FBXO11: variants seen among roughly 807,000 people sequenced by gnomAD.
FBXO11 encodes the protein F-box protein 11, also known as F-box only protein 11.
FBXO11 carries 13 observed loss-of-function variants against 117.0 expected under a neutral mutation model. The observed-to-expected ratio is 0.11, with a 90% CI of 0.07 to 0.18. FBXO11 has a LOEUF of 0.18. Ranked by LOEUF, FBXO11 falls within the 10% of genes least tolerant of loss-of-function variation. FBXO11 has a pLI of 1.00. For missense variants in FBXO11, 767 were observed against 1,164.4 expected (o/e 0.66, Z 4.97); for synonymous variants, 490 against 380.5 (o/e 1.29, Z -3.35).
chr2:47,818,741 C>T (rs2104701743), intron 16 of FBXO11, 38 bp downstream of exon 16: 1 of 1,467,778 alleles, frequency 6.8e-7, no homozygotes, highest in East Asian at 2.3e-5. Flanking sequence ...ATACTCCTAA[C>T]TCCCTCCCAA....
At chr2:47,874,161 C>T (rs1675827293) in intron 1 of FBXO11, among the ~76,000 whole-genome samples, 2 of 152,256 alleles carry the variant, frequency 1.3e-5, no homozygotes, top group East Asian at 3.9e-4. Context: ...TTGCTGTGAG[C>T]AGAGATTGCA....
intron 7 of FBXO11, 39 bp from the exon 8 acceptor site, chr2:47,833,109 G>T: frequency 2.3e-6 from 3 of 1,313,772 alleles, no homozygotes; most frequent in South Asian, 1.2e-5. Context: ...ACCTTTATTC[G>T]ATTTCAACAG....
chr2:47,844,340 C>A (rs1673241563), intron 1 of FBXO11, among the ~76,000 whole-genome samples: 1 of 152,098 alleles, frequency 6.6e-6, no homozygotes, highest in Non-Finnish European at 1.5e-5. Flanking sequence ...GGCACTTTTT[C>A]TAATCTCTAT....
intron 11 of FBXO11, among the ~76,000 whole-genome samples, chr2:47,829,990 A>G (rs953623169): frequency 1.3e-5 from 2 of 152,228 alleles, no homozygotes; most frequent in Non-Finnish European, 1.5e-5. Flanking sequence ...GCAAAATAGC[A>G]GCAGAAAAAC....
intron 4 of FBXO11, among the ~76,000 whole-genome samples, chr2:47,838,143 G>A (rs1174740762): frequency 6.6e-6 from 1 of 151,516 alleles, no homozygotes; most frequent in South Asian, 2.1e-4. Context: ...TGAGGTGGGA[G>A]AATGGCTTGA....
Position 47,905,688 on chromosome 2 carries a change from G to T in FBXO11, c.33C>A (p.Pro11=). 1 of 1,520,208 alleles carries T rather than the reference G, an allele frequency of 6.6e-7. No individual in the cohort carries two copies. The allele number at this position is 1,520,208 out of a possible 1,614,324, so 94.2% of individuals were successfully genotyped here. The change falls in exon 1 of 23, where the codon CCC becomes CCA. Residue 11 remains proline (P), a synonymous_variant. Coordinates refer to ENST00000403359, the MANE Select transcript of FBXO11 (RefSeq NM_001190274.2). MNSVRAANRR[P]RRVSRPRPVQ... is the part of the protein sequence containing the mutation. ...CCGGGCGCGGCCGCGACACTCGCCT[G>T]GGTCTCCGGTTGGCGGCTCGGACGG...
chr2:47,875,963 T>C (rs759412868), intron 1 of FBXO11, among the ~76,000 whole-genome samples: 1 of 152,196 alleles, frequency 6.6e-6, no homozygotes, highest in East Asian at 1.9e-4. Context: ...TACTAATCAG[T>C]GGCTTTATAT....
At chr2:47,901,091 ATATACATATATATGTATATATG>A (rs1678237192) in intron 1 of FBXO11, among the ~76,000 whole-genome samples, 5 of 120,708 alleles carry the variant, frequency 4.1e-5, no homozygotes, top group Non-Finnish European at 8.7e-5. Flanking sequence ...GTGTACATAT[ATATACATATATATGTATATATG>A]TACACACGTG....
At chr2:47,902,586 C>G (rs908854551) in intron 1 of FBXO11, among the ~76,000 whole-genome samples, 5 of 152,074 alleles carry the variant, frequency 3.3e-5, no homozygotes, top group African/African-American at 4.8e-5. Context: ...CACACATACA[C>G]ATACACACGT....
At chr2:47,820,661 C>A (rs1439381154) in intron 13 of FBXO11, among the ~76,000 whole-genome samples, 2 of 152,176 alleles carry the variant, frequency 1.3e-5, no homozygotes, top group Non-Finnish European at 2.9e-5. Flanking sequence ...AGCCGAGCTG[C>A]CACATTTTGA....
rs532975629 is a variant in FBXO11, at chr2:47,839,162, T to C, written c.443-159A>G. On this transcript the variant is annotated intron_variant, in intron 3 of 22. Coordinates refer to ENST00000403359, the MANE Select transcript of FBXO11 (RefSeq NM_001190274.2). ...CATGGGTAACACATATTTATCTCTA[T>C]CCTGAACTAACAAAAGTACTCCTTC... is the stretch of plus-strand genomic sequence containing the variant. Among the ~76,000 whole-genome samples, 9 of 152,204 alleles carry C rather than the reference T, an allele frequency of 5.9e-5. No individual in the cohort carries two copies. The East Asian group carries it at 1.7e-3, about 29-fold the overall frequency.
At chr2:47,838,187 C>T (rs1047733470) in intron 4 of FBXO11, among the ~76,000 whole-genome samples, 2 of 151,696 alleles carry the variant, frequency 1.3e-5, no homozygotes, top group Non-Finnish European at 2.9e-5. Context: ...GAGCTAGGAG[C>T]GTGACACTGC....
At chr2:47,848,004 G>A (rs1333536880) in intron 1 of FBXO11, among the ~76,000 whole-genome samples, 1 of 151,736 alleles carries the variant, frequency 6.6e-6, no homozygotes. Context: ...GGTGCTTGTA[G>A]TCCCAGCTAC....
At position 47,901,485 on chromosome 2, in the gene FBXO11, AAC is replaced by A. The variant is rs537278299; in HGVS notation, c.232+4002_232+4003del. 9.2e-5 allele frequency among the ~76,000 whole-genome samples: 14 copies of A among 152,316 alleles called. No individual in the cohort carries two copies. The South Asian group carries it at 2.5e-3, about 27-fold the overall frequency. On this transcript the variant is annotated intron_variant, in intron 1 of 22. Coordinates refer to ENST00000403359, the MANE Select transcript of FBXO11 (RefSeq NM_001190274.2). ...AAAAGGTAATAAATGAGAAACTAAT[AAC>A]AGTTATTAGATTCCAGGTAGAAGAA...
intron 1 of FBXO11, among the ~76,000 whole-genome samples, chr2:47,904,157 A>T (rs1678548060): frequency 6.6e-6 from 1 of 152,256 alleles, no homozygotes; most frequent in Admixed American, 6.5e-5. Flanking sequence ...AATAATGTAT[A>T]ATTTTAAAAA....
At chr2:47,877,662 A>T (rs766589408) in intron 1 of FBXO11, among the ~76,000 whole-genome samples, 1 of 151,746 alleles carries the variant, frequency 6.6e-6, no homozygotes, top group Non-Finnish European at 1.5e-5. Flanking sequence ...CAAACCTCCC[A>T]CCCCAGAATA....
rs144940741 is a variant in FBXO11, at chr2:47,850,820, A to G, written c.233-11051T>C. On this transcript the variant is annotated intron_variant, in intron 1 of 22. Coordinates refer to ENST00000403359, the MANE Select transcript of FBXO11 (RefSeq NM_001190274.2). The stretch of plus-strand genomic sequence containing the variant: ...CTGTTCTCCCAAGACATTTTCTCTC[A>G]TTGCTTTTGGGAAAAGGAGTGTAAA... Among the ~76,000 whole-genome samples, 686 of 152,258 alleles carry G rather than the reference A, an allele frequency of 4.5e-3. 1 individual carries two copies. Among genetic ancestry groups the G allele is most frequent in the Non-Finnish European group, 8.5e-3 (578 of 68,004 alleles).
chr2:47,905,299 C>T, intron 1 of FBXO11, 190 bp downstream of exon 1: 1 of 438,560 alleles, frequency 2.3e-6, no homozygotes, highest in Non-Finnish European at 3.4e-6. Context: ...AGGGAAGCCG[C>T]GGCTTTTCCT....
chr2:47,852,429 T>C (rs1271850074), intron 1 of FBXO11, among the ~76,000 whole-genome samples: 3 of 152,224 alleles, frequency 2.0e-5, no homozygotes, highest in Non-Finnish European at 2.9e-5. Context: ...TTTCTAGTAA[T>C]GTTTTTTACA....
Sources: allele counts gnomAD v4.1 joint callset (sites outside exome capture counted in the v4.1 genomes callset), GRCh38; gene constraint gnomAD v4.1.1; transcripts MANE v1.5; gene names NCBI Gene and HGNC (gene_info 2026-07-23, HGNC 2026-07-21).